Variants in GRIP1 observed in about 807,000 individuals in gnomAD.
The protein encoded by GRIP1 is glutamate receptor-interacting protein 1.
A neutral mutation model predicts 129.9 loss-of-function variants in GRIP1; 45 were observed. That is an observed-to-expected ratio of 0.35 (90% CI 0.27 to 0.44). GRIP1 has a LOEUF of 0.44. Ranked by LOEUF, GRIP1 falls within the 20% of genes least tolerant of loss-of-function variation. The probability of loss-of-function intolerance (pLI) is 1.00; values close to 1 mark genes in which losing one functional copy is unlikely to be tolerated. For missense variants in GRIP1, 1,196 were observed against 1,396.8 expected (o/e 0.86, Z 2.29); for synonymous variants, 530 against 520.8 (o/e 1.02, Z -0.24).
At position 66,451,403 on chromosome 12, in the gene GRIP1, T is replaced by G. The variant is rs1323082978; in HGVS notation, c.1354+4006A>C. Reference sequence around the variant, plus strand: ...AATCTGTTTTTTTTTTTTTTTTTTTTTTTTTTTTTTTTTTTTTTCAGATAG... The same window carrying G: ...AATCTGTTTTTTTTTTTTTTTTTTTGTTTTTTTTTTTTTTTTTTCAGATAG... On this transcript the variant is annotated intron_variant, in intron 11 of 24. Coordinates refer to ENST00000359742, the MANE Select transcript of GRIP1 (RefSeq NM_001366722.1). Among the ~76,000 whole-genome samples, 28 of 116,174 alleles carry G rather than the reference T, an allele frequency of 2.4e-4. No homozygotes were observed. The South Asian group carries it at 5.8e-3, about 24-fold the overall frequency. 76.2% of individuals were successfully genotyped at this position (116,174 alleles called of 152,430 possible). A position where few individuals can be genotyped will look rare whatever the true frequency, so the allele number is the denominator to read the frequency against.
chr12:67,044,777 G>T (rs963752236), intron 1 of GRIP1, among the ~76,000 whole-genome samples: 2 of 152,018 alleles, frequency 1.3e-5, no homozygotes, highest in Non-Finnish European at 2.9e-5. Context: ...TTAAAGAATT[G>T]TACAAAATAT....
intron 1 of GRIP1, among the ~76,000 whole-genome samples, chr12:66,752,495 G>C (rs1592809179): frequency 6.6e-6 from 1 of 152,170 alleles, no homozygotes; most frequent in African/African-American, 2.4e-5. Flanking sequence ...TTGTTTATTT[G>C]CAATTTTAAA....
At chr12:66,454,433 C>T (rs1360058033) in intron 11 of GRIP1, among the ~76,000 whole-genome samples, 3 of 152,136 alleles carry the variant, frequency 2.0e-5, no homozygotes, top group African/African-American at 7.2e-5. Flanking sequence ...AAAAGGGATA[C>T]ATGACAAGAA....
rs989368713 is a variant in GRIP1, at chr12:66,867,524, T to C, written c.58+201526A>G. Among the ~76,000 whole-genome samples, 5 of 152,200 alleles carry C rather than the reference T, an allele frequency of 3.3e-5. No individual in the cohort carries two copies. In the South Asian group the frequency reaches 1.0e-3, roughly 32 times the overall value. The stretch of plus-strand genomic sequence containing the variant: ...CGAAAGATTTCAAATATACTTGTTA[T>C]GTTTGTTTCTTAACTGGTTGGTAGA... On this transcript the variant is annotated intron_variant, in intron 1 of 1. Transcript: ENST00000643019.
chr12:66,747,671 CAAGAG>C (rs1303988891), intron 1 of GRIP1, among the ~76,000 whole-genome samples: 2 of 152,138 alleles, frequency 1.3e-5, no homozygotes. Context: ...ATATACCCAG[CAAGAG>C]CTAAAGTATT....
intron 7 of GRIP1, among the ~76,000 whole-genome samples, chr12:66,491,660 A>G (rs1325875051): frequency 6.6e-6 from 1 of 152,180 alleles, no homozygotes; most frequent in Non-Finnish European, 1.5e-5. Flanking sequence ...AACAAAGAAA[A>G]AAGGGGGCAT....
At chr12:66,750,020 A>T (rs1267031390) in intron 1 of GRIP1, among the ~76,000 whole-genome samples, 1 of 152,158 alleles carries the variant, frequency 6.6e-6, no homozygotes, top group Non-Finnish European at 1.5e-5. Flanking sequence ...CTGCCTCCCC[A>T]AAGTCAACCC....
At chr12:66,577,848 G>A (rs1251976981) in intron 2 of GRIP1, among the ~76,000 whole-genome samples, 6 of 152,136 alleles carry the variant, frequency 3.9e-5, no homozygotes, top group Admixed American at 2.0e-4. Context: ...TCTGCTACTC[G>A]GATGCTGAAG....
intron 1 of GRIP1, among the ~76,000 whole-genome samples, chr12:66,597,822 CAA>C: frequency 6.6e-6 from 1 of 150,914 alleles, no homozygotes; most frequent in Admixed American, 6.6e-5. Context: ...TCTAGGATGG[CAA>C]ATATTAAGGT....
chr12:66,443,075 T>A (rs2058514455), intron 13 of GRIP1, among the ~76,000 whole-genome samples: 1 of 152,234 alleles, frequency 6.6e-6, no homozygotes, highest in African/African-American at 2.4e-5. Context: ...AGGTAGTCTT[T>A]CATTGTGTGA....
At chr12:66,461,371 C>T (rs1439872407) in intron 9 of GRIP1, among the ~76,000 whole-genome samples, 1 of 152,138 alleles carries the variant, frequency 6.6e-6, no homozygotes, top group East Asian at 1.9e-4. Flanking sequence ...GGCTACTGTG[C>T]TCCAAATCCA....
At chr12:66,901,803 C>G (rs1192290261) in intron 1 of GRIP1, among the ~76,000 whole-genome samples, 1 of 152,190 alleles carries the variant, frequency 6.6e-6, no homozygotes, top group Non-Finnish European at 1.5e-5. Context: ...CAAAGACCTG[C>G]TCTTATTTCC....
chr12:66,657,406 T>C (rs1292033591), intron 1 of GRIP1, among the ~76,000 whole-genome samples: 2 of 152,136 alleles, frequency 1.3e-5, no homozygotes, highest in Admixed American at 6.6e-5. Context: ...GGACAGAATA[T>C]AGAGTGTCAA....
intron 1 of GRIP1, among the ~76,000 whole-genome samples, chr12:66,664,197 A>G (rs1335300703): frequency 6.6e-6 from 1 of 152,176 alleles, no homozygotes; most frequent in African/African-American, 2.4e-5. Flanking sequence ...TTTATGAAGA[A>G]CAAAGGTTGG....
At chr12:66,723,348 T>C (rs1423275278) in intron 1 of GRIP1, among the ~76,000 whole-genome samples, 9 of 137,712 alleles carry the variant, frequency 6.5e-5, no homozygotes, top group African/African-American at 2.5e-4. Context: ...AGTCTCACTC[T>C]GTTGCCCAGG....
At chr12:66,456,485 G>A (rs545496387) in intron 9 of GRIP1, 143 bp from the exon 10 acceptor site, 2 of 391,316 alleles carry the variant, frequency 5.1e-6, no homozygotes, top group Non-Finnish European at 9.3e-6. Flanking sequence ...AATCTACTTG[G>A]CTTTGCCCTT....
intron 1 of GRIP1, among the ~76,000 whole-genome samples, chr12:66,949,644 G>T (rs1000001383): frequency 6.6e-6 from 1 of 151,718 alleles, no homozygotes; most frequent in African/African-American, 2.4e-5. Flanking sequence ...ACACAAAAGT[G>T]CATTAAAGGT....
At chr12:66,518,680 A>G (rs969792020) in intron 5 of GRIP1, among the ~76,000 whole-genome samples, 10 of 152,218 alleles carry the variant, frequency 6.6e-5, no homozygotes, top group African/African-American at 2.2e-4. Context: ...TCTGCATGAA[A>G]TGCACGCGTG....
chr12:66,824,607 G>A (rs1316230503), intron 1 of GRIP1, among the ~76,000 whole-genome samples: 3 of 152,166 alleles, frequency 2.0e-5, no homozygotes, highest in South Asian at 4.1e-4. Context: ...CTATTGATGA[G>A]AAGGTCACAC....
Sources: allele counts gnomAD v4.1 joint callset (sites outside exome capture counted in the v4.1 genomes callset), GRCh38; gene constraint gnomAD v4.1.1; transcripts MANE v1.5; gene names NCBI Gene and HGNC (gene_info 2026-07-23, HGNC 2026-07-21).